The following RNF220 variants were observed in gnomAD, a reference collection of about 807,000 sequenced individuals.
RNF220 encodes ring finger protein 220.
A neutral mutation model predicts 67.1 loss-of-function variants in RNF220; 7 were observed. The ratio of observed to expected loss-of-function variants is 0.10; its 90% confidence interval spans 0.06 to 0.20. The LOEUF (loss-of-function observed/expected upper bound fraction) is 0.20. Among genes scored for constraint, RNF220 ranks in the 10% least tolerant of loss-of-function variants. The probability of loss-of-function intolerance (pLI) is 1.00; values close to 1 mark genes in which losing one functional copy is unlikely to be tolerated. For synonymous variants in RNF220, 270 were observed against 283.2 expected, an observed-to-expected ratio of 0.95 and a Z score of 0.47; for missense variants, 565 against 740.3, an observed-to-expected ratio of 0.76 and a Z score of 2.75.
chr1:44,421,401 G>C lies in RNF220; in HGVS notation c.625+8679G>C, dbSNP rs549270130. ...AGAATTCACAATCCCTGGGTTTCTC[G>C]TGTGTCCTTAGATTTTAAGTTATAC... On this transcript the variant is annotated intron_variant, in intron 2 of 14. Coordinates refer to ENST00000361799, the MANE Select transcript of RNF220 (RefSeq NM_018150.4). Among the ~76,000 whole-genome samples, 4 of 152,158 alleles carry C rather than the reference G, an allele frequency of 2.6e-5. No homozygotes were observed. In the South Asian group the frequency reaches 8.3e-4, roughly 32 times the overall value.
chr1:44,459,172 G>A (rs2147952417), intron 2 of RNF220, among the ~76,000 whole-genome samples: 1 of 148,372 alleles, frequency 6.7e-6, no homozygotes, highest in Non-Finnish European at 1.5e-5. Context: ...TTACCATGGT[G>A]ATTCTTTTGG....
chr1:44,638,131 C>T (rs969020977), intron 8 of RNF220, among the ~76,000 whole-genome samples: 10 of 152,242 alleles, frequency 6.6e-5, no homozygotes, highest in Non-Finnish European at 1.5e-4. Context: ...CATCTGTCAG[C>T]CTACCCTCCC....
At chr1:44,497,412 G>A (rs867704846) in intron 2 of RNF220, among the ~76,000 whole-genome samples, 42 of 151,714 alleles carry the variant, frequency 2.8e-4, no homozygotes, top group African/African-American at 9.7e-4. Flanking sequence ...TAGAGACCAA[G>A]GTTTTCCTGT....
At chr1:44,430,314 A>G (rs1424536501) in intron 2 of RNF220, among the ~76,000 whole-genome samples, 2 of 152,050 alleles carry the variant, frequency 1.3e-5, no homozygotes, top group Non-Finnish European at 2.9e-5. Context: ...TAAAAAGTTA[A>G]TTTGGAGATG....
intron 2 of RNF220, among the ~76,000 whole-genome samples, chr1:44,573,316 G>A (rs1376401949): frequency 6.6e-6 from 1 of 152,194 alleles, no homozygotes; most frequent in African/African-American, 2.4e-5. Context: ...AAGGAGAGTT[G>A]CATGGTCAGA....
At chr1:44,579,758 C>T (rs1375006014) in intron 2 of RNF220, among the ~76,000 whole-genome samples, 2 of 152,032 alleles carry the variant, frequency 1.3e-5, no homozygotes, top group Admixed American at 1.3e-4. Flanking sequence ...AGAAGTTGTT[C>T]CAGGCCAGGC....
At chr1:44,620,408 A>C (rs888878692) in intron 3 of RNF220, among the ~76,000 whole-genome samples, 2 of 152,244 alleles carry the variant, frequency 1.3e-5, no homozygotes, top group Non-Finnish European at 2.9e-5. Context: ...GGCCAGGTAG[A>C]GCAAGCATGG....
At chr1:44,644,883 C>G in intron 9 of RNF220, 89 bp downstream of exon 9, 3 of 1,519,812 alleles carry the variant, frequency 2.0e-6, no homozygotes, top group Non-Finnish European at 2.7e-6. Flanking sequence ...TCACCTGCAC[C>G]ACCCCCCGGG....
intron 2 of RNF220, among the ~76,000 whole-genome samples, chr1:44,435,961 C>T (rs1240754687): frequency 1.3e-5 from 2 of 151,960 alleles, no homozygotes; most frequent in Non-Finnish European, 2.9e-5. Context: ...TGGAAGAAAC[C>T]TTTGGATAGG....
intron 2 of RNF220, among the ~76,000 whole-genome samples, chr1:44,557,812 CCTT>C (rs1161278039): frequency 6.6e-6 from 1 of 152,198 alleles, no homozygotes; most frequent in Non-Finnish European, 1.5e-5. Flanking sequence ...TTTCTAGTCA[CCTT>C]CTCTACACCA....
In RNF220 at chr1:44,622,408, G is replaced by A. The variant is rs192777545; in HGVS notation, c.759-334G>A. Among the ~76,000 whole-genome samples the A allele has an allele frequency of 1.6e-4, 24 of 152,322 alleles. No homozygotes were observed. The East Asian group carries it at 4.0e-3, about 26-fold the overall frequency. ...GGCTGGGAACAGGGGGTGGAGAGAA[G>A]GGGGTCTCCAGGACAGGCAGAATCT... On this transcript the variant is annotated intron_variant, in intron 3 of 14. Coordinates refer to ENST00000361799, the MANE Select transcript of RNF220 (RefSeq NM_018150.4). This position sits in a 1 kb window ranked among gnomAD's most constrained non-coding sequence, Gnocchi z 4.3.
intron 3 of RNF220, among the ~76,000 whole-genome samples, chr1:44,619,377 G>T (rs1261397370): frequency 2.0e-5 from 3 of 152,202 alleles, no homozygotes; most frequent in Non-Finnish European, 4.4e-5. Flanking sequence ...GGAGATGGCA[G>T]TGCCCCCACC....
At chr1:44,428,883 A>G (rs1389096684) in intron 2 of RNF220, among the ~76,000 whole-genome samples, 2 of 152,058 alleles carry the variant, frequency 1.3e-5, no homozygotes, top group Non-Finnish European at 2.9e-5. Flanking sequence ...GGAAAGTTGC[A>G]GTTGGAGGAA....
chr1:44,434,805 A>G (rs1650787019), intron 2 of RNF220, among the ~76,000 whole-genome samples: 1 of 151,616 alleles, frequency 6.6e-6, no homozygotes, highest in Admixed American at 6.6e-5. Context: ...TGAAAAGGCC[A>G]TTGCACAGTA....
At chr1:44,557,416 GA>G (rs1357524922) in intron 2 of RNF220, among the ~76,000 whole-genome samples, 36 of 151,190 alleles carry the variant, frequency 2.4e-4, no homozygotes, top group Non-Finnish European at 3.8e-4. Context: ...AGGAAGGAAG[GA>G]AGGAGGGAGG....
intron 2 of RNF220, among the ~76,000 whole-genome samples, chr1:44,568,443 T>C (rs996895134): frequency 6.6e-6 from 1 of 152,256 alleles, no homozygotes; most frequent in African/African-American, 2.4e-5. Context: ...GTTGGATAAA[T>C]TCACCTTTGT....
At chr1:44,554,991 G>A (rs925373116) in intron 2 of RNF220, among the ~76,000 whole-genome samples, 4 of 152,092 alleles carry the variant, frequency 2.6e-5, no homozygotes, top group Admixed American at 6.5e-5. Flanking sequence ...TGTAAATCCA[G>A]TCATGTCTTA....
intron 2 of RNF220, among the ~76,000 whole-genome samples, chr1:44,549,375 G>A (rs770657003): frequency 1.8e-4 from 28 of 152,332 alleles, no homozygotes; most frequent in Admixed American, 3.3e-4. Flanking sequence ...GAGCGCACAT[G>A]AGGAACTTTT....
At chr1:44,498,522 G>A (rs1194997330) in intron 2 of RNF220, among the ~76,000 whole-genome samples, 1 of 152,110 alleles carries the variant, frequency 6.6e-6, no homozygotes, top group Non-Finnish European at 1.5e-5. Context: ...CTCCCTGCCA[G>A]ATCATAAGGA....
Sources: gnomAD v4.1 joint callset for allele counts (sites outside exome capture counted in the v4.1 genomes callset) on GRCh38, gnomAD v4.1.1 for gene constraint, Gnocchi (gnomAD v3.1) non-coding constraint, MANE v1.5 for transcripts, NCBI Gene and HGNC (gene_info 2026-07-23, HGNC 2026-07-21) for gene names.